KCNJ3: variants seen among roughly 807,000 people sequenced by gnomAD.
KCNJ3 encodes potassium inwardly rectifying channel subfamily J member 3.
Under a neutral mutation model 39.2 loss-of-function variants are expected in KCNJ3, and 4 were observed. The observed-to-expected ratio is 0.10, with a 90% CI of 0.05 to 0.23. The LOEUF is 0.23. Ranked by LOEUF, KCNJ3 falls within the 10% of genes least tolerant of loss-of-function variation. The pLI, the probability that KCNJ3 is intolerant of heterozygous loss-of-function variation, is 1.00. For synonymous variants in KCNJ3, 230 were observed against 237.4 expected (o/e 0.97, Z 0.29); for missense variants, 276 against 634.9 (o/e 0.43, Z 6.08).
intron 2 of KCNJ3, among the ~76,000 whole-genome samples, chr2:154,722,152 A>C: frequency 6.6e-6 from 1 of 151,814 alleles, no homozygotes; most frequent in East Asian, 1.9e-4. Flanking sequence ...TGCAGCAAAT[A>C]CACTAAAAGT....
chr2:154,800,853 A>C (rs1324076563), intron 2 of KCNJ3, among the ~76,000 whole-genome samples: 5 of 152,358 alleles, frequency 3.3e-5, no homozygotes, highest in Admixed American at 6.5e-5. Flanking sequence ...TTTTAAGTAC[A>C]GTATATAAAA....
chr2:154,720,877 T>A (rs1032418995), intron 2 of KCNJ3, among the ~76,000 whole-genome samples: 1 of 152,116 alleles, frequency 6.6e-6, no homozygotes. Flanking sequence ...AGAAATGGCT[T>A]CAATCCTTCT....
At chr2:154,823,200 A>G (rs115051295) in intron 2 of KCNJ3, among the ~76,000 whole-genome samples, 173 of 152,232 alleles carry the variant, frequency 1.1e-3, no homozygotes, top group Non-Finnish European at 2.0e-3. Flanking sequence ...CATTGAGTTA[A>G]CTTTTAATCC....
chr2:154,804,417 A>G (rs1207751587), intron 2 of KCNJ3, among the ~76,000 whole-genome samples: 2 of 152,002 alleles, frequency 1.3e-5, no homozygotes, highest in African/African-American at 4.8e-5. Flanking sequence ...AAACTTTTCT[A>G]TTTTCCTCCA....
chr2:154,774,636 G>A (rs1686300692), intron 2 of KCNJ3, among the ~76,000 whole-genome samples: 1 of 152,030 alleles, frequency 6.6e-6, no homozygotes, highest in South Asian at 2.1e-4. Flanking sequence ...TTCATGAAAT[G>A]TTTAAATCAA....
chr2:154,763,132 A>G (rs560986198), intron 2 of KCNJ3, among the ~76,000 whole-genome samples: 1 of 152,332 alleles, frequency 6.6e-6, no homozygotes, highest in Admixed American at 6.5e-5. Flanking sequence ...TCCGACAGTC[A>G]ATTTTGTGAG....
chr2:154,842,387 G>T (rs538383884), intron 2 of KCNJ3, among the ~76,000 whole-genome samples: 62 of 152,264 alleles, frequency 4.1e-4, no homozygotes, highest in African/African-American at 1.5e-3. Flanking sequence ...GAATAAATGC[G>T]ATGTGGTACT....
chr2:154,747,216 T>C (rs1685761495), intron 2 of KCNJ3, among the ~76,000 whole-genome samples: 1 of 152,004 alleles, frequency 6.6e-6, no homozygotes, highest in East Asian at 1.9e-4. Flanking sequence ...TCATAAAACA[T>C]ACACCCTTTA....
intron 2 of KCNJ3, among the ~76,000 whole-genome samples, chr2:154,798,898 G>A (rs1439374597): frequency 1.3e-5 from 2 of 151,830 alleles, no homozygotes; most frequent in Non-Finnish European, 2.9e-5. Flanking sequence ...GATGGTGTGT[G>A]TATAGTGTGT....
At chr2:154,816,574 G>A (rs188024285) in intron 2 of KCNJ3, among the ~76,000 whole-genome samples, 77 of 152,118 alleles carry the variant, frequency 5.1e-4, no homozygotes, top group Non-Finnish European at 9.4e-4. Context: ...ACTGACAACT[G>A]GCCATAATAA....
chr2:154,783,982 G>T (rs1257716980), intron 2 of KCNJ3, among the ~76,000 whole-genome samples: 1 of 152,064 alleles, frequency 6.6e-6, no homozygotes, highest in African/African-American at 2.4e-5. Flanking sequence ...AGAAGAGTAT[G>T]GTACTCTTAT....
intron 1 of KCNJ3, among the ~76,000 whole-genome samples, chr2:154,702,435 C>A (rs1323990375): frequency 3.3e-5 from 5 of 151,858 alleles, no homozygotes; most frequent in South Asian, 2.1e-4. Context: ...CTTGGGGAGA[C>A]AATAAGAACA....
intron 2 of KCNJ3, among the ~76,000 whole-genome samples, chr2:154,822,985 A>G (rs142036114): frequency 1.8e-4 from 28 of 151,676 alleles, no homozygotes; most frequent in African/African-American, 6.0e-4. Context: ...ATATAGCATT[A>G]ATATGTTTCT....
chr2:154,700,235 A>C (rs774519477), intron 1 of KCNJ3, among the ~76,000 whole-genome samples: 5 of 152,204 alleles, frequency 3.3e-5, no homozygotes, highest in Admixed American at 1.3e-4. Context: ...TTTCACTTGA[A>C]GCTTTCAGCA....
chr2:154,759,579 A>G (rs2937608), intron 2 of KCNJ3, among the ~76,000 whole-genome samples: 75,683 of 151,164 alleles, frequency 0.5, 19,052 homozygotes, highest in African/African-American at 0.53. Flanking sequence ...ATAGATATAT[A>G]TAGATAGATA....
intron 2 of KCNJ3, among the ~76,000 whole-genome samples, chr2:154,833,575 G>A (rs1312901436): frequency 1.3e-5 from 2 of 152,076 alleles, no homozygotes; most frequent in African/African-American, 2.4e-5. Flanking sequence ...TTTACATCAA[G>A]GTTCATGCTT....
chr2:154,846,674 G>C (rs572361457), intron 2 of KCNJ3, among the ~76,000 whole-genome samples: 1 of 152,064 alleles, frequency 6.6e-6, no homozygotes, highest in Non-Finnish European at 1.5e-5. Flanking sequence ...ATATGATTGT[G>C]AATTTCCTGT....
chr2:154,843,432 G>A lies in KCNJ3; in HGVS notation c.920-11295G>A, dbSNP rs191510920. ...TATGTGTCTTGGGGTTGCTCTTCTC[G>A]AGGAGTATCTTTGTGGTGTTCTCTG... is the stretch of plus-strand genomic sequence containing the variant. On this transcript the variant is annotated intron_variant, in intron 2 of 2. Coordinates refer to ENST00000295101, the MANE Select transcript of KCNJ3 (RefSeq NM_002239.4). 5.7e-3 allele frequency among the ~76,000 whole-genome samples: 864 copies of A among 152,120 alleles called. 9 individuals are homozygous for A. Among genetic ancestry groups the A allele is most frequent in the African/African-American group, 0.02 (830 of 41,502 alleles).
chr2:154,769,402 G>A (rs4584981), intron 2 of KCNJ3, among the ~76,000 whole-genome samples: 4,693 of 152,246 alleles, frequency 0.031, 175 homozygotes, highest in East Asian at 0.2. Flanking sequence ...ATGAAGGGCT[G>A]TTGAATTTTT....
Sources: gnomAD v4.1 joint callset for allele counts (sites outside exome capture counted in the v4.1 genomes callset) on GRCh38, gnomAD v4.1.1 for gene constraint, MANE v1.5 for transcripts, NCBI Gene and HGNC (gene_info 2026-07-23, HGNC 2026-07-21) for gene names.